ARHGAP20: variants seen among roughly 807,000 people sequenced by gnomAD.
ARHGAP20 encodes the protein Rho GTPase activating protein 20.
ARHGAP20 carries 34 observed loss-of-function variants against 73.7 expected under a neutral mutation model. The observed-to-expected ratio is 0.46, with a 90% CI of 0.35 to 0.61. The LOEUF is 0.61. Among genes scored for constraint, ARHGAP20 ranks in the 20% least tolerant of loss-of-function variants. The probability of loss-of-function intolerance (pLI) is 0.00; values close to 1 mark genes in which losing one functional copy is unlikely to be tolerated. For synonymous variants in ARHGAP20, 523 were observed against 518.2 expected, an observed-to-expected ratio of 1.01 and a Z score of -0.13; for missense variants, 1,314 against 1,420.9, an observed-to-expected ratio of 0.92 and a Z score of 1.21.
At chr11:110,691,099 AG>A (rs1171208192) in intron 1 of ARHGAP20, 1 of 934,696 alleles carries the variant, frequency 1.1e-6, no homozygotes, top group Non-Finnish European at 1.5e-6. Flanking sequence ...CACAGAGACT[AG>A]ATTTTTGCAT....
intron 9 of ARHGAP20, among the ~76,000 whole-genome samples, chr11:110,592,486 G>A (rs1048641934): frequency 2.6e-5 from 4 of 152,192 alleles, no homozygotes; most frequent in East Asian, 1.9e-4. Context: ...AGCAAAAAGC[G>A]TTTCATACAA....
intron 8 of ARHGAP20, 145 bp from the exon 9 acceptor site, chr11:110,606,894 CTTACAG>C (rs1706082034): frequency 1.4e-6 from 1 of 696,956 alleles, no homozygotes; most frequent in Non-Finnish European, 2.1e-6. Context: ...CATTTACACT[CTTACAG>C]TTGGAGACCA....
chr11:110,634,604 C>A (rs755204596), intron 2 of ARHGAP20, among the ~76,000 whole-genome samples: 1 of 152,030 alleles, frequency 6.6e-6, no homozygotes, highest in Non-Finnish European at 1.5e-5. Flanking sequence ...TAATCCAAGC[C>A]TTTTTGCTAA....
chr11:110,630,088 C>A (rs1373112958), intron 3 of ARHGAP20, among the ~76,000 whole-genome samples: 2 of 152,206 alleles, frequency 1.3e-5, no homozygotes, highest in African/African-American at 2.4e-5. Flanking sequence ...TCCAGTTACA[C>A]AGGCCTTCTT....
Position 110,577,144 on chromosome 11 carries a change from C to G in ARHGAP20, c.*2226G>C, listed in dbSNP as rs1947302808. On this transcript the variant is annotated 3_prime_UTR_variant, in exon 15 of 15. Coordinates refer to ENST00000683387, the MANE Select transcript of ARHGAP20 (RefSeq NM_001384657.1). ...AAAACCAAACAACTTTAAAAGTTAG[C>G]AGCAGTTTCTGCAAGTACAAAAATA... 1 of 1,534,390 alleles carries G rather than the reference C, an allele frequency of 6.5e-7. No individual in the cohort carries two copies. Among genetic ancestry groups the G allele is most frequent in the Admixed American group, 2.0e-5 (1 of 50,752 alleles).
At chr11:110,663,164 C>T (rs1261620788) in intron 2 of ARHGAP20, among the ~76,000 whole-genome samples, 1 of 150,984 alleles carries the variant, frequency 6.6e-6, no homozygotes, top group Non-Finnish European at 1.5e-5. Flanking sequence ...AAATTAAGTG[C>T]AAAATATGAA....
chr11:110,582,291 C>T, intron 14 of ARHGAP20, 30 bp downstream of exon 14: 1 of 1,542,524 alleles, frequency 6.5e-7, no homozygotes, highest in Non-Finnish European at 9.0e-7. Context: ...GTCTGTTTCT[C>T]ACAAAAACCA....
chr11:110,710,632 G>A (rs1256907528), intron 1 of ARHGAP20, among the ~76,000 whole-genome samples: 1 of 152,100 alleles, frequency 6.6e-6, no homozygotes, highest in Non-Finnish European at 1.5e-5. Flanking sequence ...CTCCGAAGGG[G>A]AAAAGCGACA....
chr11:110,668,100 G>A (rs1255346062), intron 2 of ARHGAP20, among the ~76,000 whole-genome samples: 2 of 152,128 alleles, frequency 1.3e-5, no homozygotes, highest in Non-Finnish European at 2.9e-5. Context: ...AGTTCTGTGG[G>A]AAAAATGCTA....
Position 110,712,355 on chromosome 11 carries a change from G to C in ARHGAP20, c.-124C>G. On this transcript the variant is annotated 5_prime_UTR_variant, in exon 1 of 15. Coordinates refer to ENST00000683387, the MANE Select transcript of ARHGAP20 (RefSeq NM_001384657.1). ...GGCTGCCGTGCTCAGGCAGGGAGCC[G>C]AGCTCCGGGTGCTCGCCGCGCGCCT... The C allele has an allele frequency of 1.4e-6, 1 of 740,640 alleles. No individual in the cohort carries two copies. The highest frequency in any genetic ancestry group is 1.9e-6 in the Non-Finnish European group (1 of 534,138). The allele number at this position is 740,640 out of a possible 1,614,324, so 45.9% of individuals were successfully genotyped here.
At chr11:110,623,523 G>C (rs1948672841) in intron 4 of ARHGAP20, among the ~76,000 whole-genome samples, 2 of 152,142 alleles carry the variant, frequency 1.3e-5, no homozygotes, top group African/African-American at 4.8e-5. Context: ...TCATACATTT[G>C]CTTTTTATTG....
Position 110,592,056 on chromosome 11 carries a change from G to C in ARHGAP20, c.1064C>G (p.Thr355Arg). 1 of 1,614,160 alleles carries C rather than the reference G, an allele frequency of 6.2e-7. No homozygotes were observed. Among genetic ancestry groups the C allele is most frequent in the Non-Finnish European group, 8.5e-7 (1 of 1,179,990 alleles). Residue 355 changes from threonine (T) to arginine (R), a missense_variant, in exon 10 of 15, where the codon ACA becomes AGA. By Grantham distance (71) the Thr-to-Arg change is moderately conservative. Transcript: ENST00000683387. The part of the protein sequence containing the change: ...THLDNLPSSP[T>R]SPMPGQLFGI... ...AAAGAGCTGTCCTGGCATAGGTGATGTTGGCGATGAGGGCAAGTTGTCCAG... is the reference window on the plus strand; with the variant it reads ...AAAGAGCTGTCCTGGCATAGGTGATCTTGGCGATGAGGGCAAGTTGTCCAG...
chr11:110,683,703 A>C (rs1234594283), intron 2 of ARHGAP20, among the ~76,000 whole-genome samples: 1 of 152,144 alleles, frequency 6.6e-6, no homozygotes, highest in Non-Finnish European at 1.5e-5. Flanking sequence ...TTATGTGCCA[A>C]TTTTTTTAAA....
chr11:110,586,381 A>G lies in ARHGAP20; in HGVS notation c.1306-56T>C, dbSNP rs17407010. The G allele has an allele frequency of 3.7e-3, 4,173 of 1,119,354 alleles. 16 individuals carry two copies. The highest frequency in any genetic ancestry group is 4.5e-3 in the Non-Finnish European group (3,520 of 783,932). 69.3% of individuals were successfully genotyped at this position (1,119,354 alleles called of 1,614,324 possible). On this transcript the variant is annotated intron_variant, in intron 11 of 14. Coordinates refer to ENST00000683387, the MANE Select transcript of ARHGAP20 (RefSeq NM_001384657.1). ...ATAATTATCCTCATGCCAAATATGT[A>G]TTAGAGAAAGTAGAAGACATTTTGT...
chr11:110,701,420 T>G, intron 1 of ARHGAP20, among the ~76,000 whole-genome samples: 1 of 152,192 alleles, frequency 6.6e-6, no homozygotes, highest in East Asian at 1.9e-4. Flanking sequence ...TTTGCCCACT[T>G]TCTGATGGGG....
At chr11:110,609,115 A>AT (rs57075075) in intron 7 of ARHGAP20, 65 bp from the exon 8 acceptor site, 33,666 of 1,275,524 alleles carry the variant, frequency 0.026, 10 homozygotes, top group Non-Finnish European at 0.028. Context: ...ATGAGGACAC[A>AT]TTTTTTTTTT....
chr11:110,654,650 T>A (rs1318001598), intron 2 of ARHGAP20, among the ~76,000 whole-genome samples: 2 of 152,204 alleles, frequency 1.3e-5, no homozygotes, highest in Admixed American at 1.3e-4. Flanking sequence ...AAAGCATGTA[T>A]TGCATCTGTG....
At chr11:110,619,475 TA>T (rs934707418) in intron 4 of ARHGAP20, among the ~76,000 whole-genome samples, 4 of 151,802 alleles carry the variant, frequency 2.6e-5, no homozygotes, top group African/African-American at 9.7e-5. Context: ...TATGTAGTGA[TA>T]GAGTATATGC....
intron 14 of ARHGAP20, among the ~76,000 whole-genome samples, chr11:110,581,754 T>A (rs1375804188): frequency 6.6e-6 from 1 of 152,166 alleles, no homozygotes; most frequent in Non-Finnish European, 1.5e-5. Context: ...CATAGAATAA[T>A]TGGCCAAAGA....
Sources: allele counts gnomAD v4.1 joint callset (sites outside exome capture counted in the v4.1 genomes callset), GRCh38; gene constraint gnomAD v4.1.1; transcripts MANE v1.5; gene names NCBI Gene and HGNC (gene_info 2026-07-23, HGNC 2026-07-21).